The following KSR1 variants were observed in gnomAD, a reference collection of about 807,000 sequenced individuals.
KSR1 encodes kinase suppressor of ras 1, also known as kinase suppressor of ras.
A neutral mutation model predicts 92.9 loss-of-function variants in KSR1; 35 were observed. That is an observed-to-expected ratio of 0.38 (90% CI 0.29 to 0.50). The LOEUF is 0.50. Among genes scored for constraint, KSR1 ranks in the 20% least tolerant of loss-of-function variants. KSR1 has a pLI of 0.94. For missense variants in KSR1, 972 were observed against 1,158.5 expected, an observed-to-expected ratio of 0.84 and a Z score of 2.34; for synonymous variants, 467 against 472.6, an observed-to-expected ratio of 0.99 and a Z score of 0.15.
At chr17:27,537,463 G>A (rs1023448876) in intron 1 of KSR1, among the ~76,000 whole-genome samples, 10 of 152,148 alleles carry the variant, frequency 6.6e-5, no homozygotes, top group Non-Finnish European at 1.0e-4. Flanking sequence ...AGGCCGAGGC[G>A]GCAGATCGCC....
intron 1 of KSR1, among the ~76,000 whole-genome samples, chr17:27,525,520 C>T (rs530944677): frequency 6.6e-6 from 1 of 152,298 alleles, no homozygotes; most frequent in Non-Finnish European, 1.5e-5. Context: ...GGATTAAATG[C>T]TGATTATATG....
chr17:27,531,563 A>C (rs1597963443), intron 1 of KSR1, among the ~76,000 whole-genome samples: 1 of 152,018 alleles, frequency 6.6e-6, no homozygotes. Context: ...TGCTTGGGGG[A>C]GAACCCCTCC....
At chr17:27,550,492 T>C (rs2071357337) in intron 1 of KSR1, 76 bp from the exon 2 acceptor site, 1 of 746,196 alleles carries the variant, frequency 1.3e-6, no homozygotes, top group Non-Finnish European at 2.5e-6. Context: ...CCTGAGCTCC[T>C]CTGTAGTGTG....
chr17:27,509,299 T>G (rs928070284), intron 1 of KSR1, among the ~76,000 whole-genome samples: 4 of 151,952 alleles, frequency 2.6e-5, no homozygotes, highest in Admixed American at 2.6e-4. Flanking sequence ...TCTTTTTTTT[T>G]TGTTTTTTTG....
intron 18 of KSR1, chr17:27,612,924 G>A (rs893282793): frequency 2.0e-5 from 3 of 152,312 alleles, no homozygotes; most frequent in Admixed American, 1.3e-4. Context: ...TTAATAGATG[G>A]TAATATTTTT....
chr17:27,583,322 G>A (rs78844067), intron 4 of KSR1, among the ~76,000 whole-genome samples: 6,833 of 152,348 alleles, frequency 0.045, 248 homozygotes, highest in Middle Eastern at 0.11. Flanking sequence ...TGCACATGAC[G>A]TGATGCCACG....
chr17:27,492,120 G>A (rs2068849680), intron 1 of KSR1, among the ~76,000 whole-genome samples: 3 of 152,186 alleles, frequency 2.0e-5, no homozygotes, highest in Admixed American at 2.0e-4. Flanking sequence ...CACGTTGGGA[G>A]GTGGGAGGAG....
intron 6 of KSR1, among the ~76,000 whole-genome samples, chr17:27,589,117 C>T (rs577718272): frequency 1.3e-5 from 2 of 152,338 alleles, no homozygotes; most frequent in South Asian, 2.1e-4. Context: ...CGTCCCCTGC[C>T]ACCGGAAGCT....
At chr17:27,613,752 T>C (rs1481652536) in intron 18 of KSR1, among the ~76,000 whole-genome samples, 1 of 152,228 alleles carries the variant, frequency 6.6e-6, no homozygotes, top group Non-Finnish European at 1.5e-5. Flanking sequence ...GCAGCCTCCT[T>C]GGCTGAGCTC....
chr17:27,534,051 C>T (rs538838811), intron 1 of KSR1, among the ~76,000 whole-genome samples: 3 of 152,352 alleles, frequency 2.0e-5, no homozygotes, highest in South Asian at 2.1e-4. Flanking sequence ...GGCCTCTCCT[C>T]GGCTTGCTTC....
At chr17:27,462,707 A>T (rs1423044183) in intron 1 of KSR1, among the ~76,000 whole-genome samples, 1 of 152,286 alleles carries the variant, frequency 6.6e-6, no homozygotes, top group East Asian at 1.9e-4. Context: ...TACAAAATAC[A>T]TAATGATATA....
chr17:27,521,266 C>T (rs2070018046), intron 1 of KSR1, among the ~76,000 whole-genome samples: 2 of 151,758 alleles, frequency 1.3e-5, no homozygotes, highest in South Asian at 4.2e-4. Flanking sequence ...GCTGAAAGGA[C>T]TGCTCAGGAG....
chr17:27,490,462 C>T (rs2068787968), intron 1 of KSR1, among the ~76,000 whole-genome samples: 2 of 152,128 alleles, frequency 1.3e-5, no homozygotes, highest in African/African-American at 4.8e-5. Context: ...CCAGAGCAAT[C>T]CCCCTTTTTT....
intron 1 of KSR1, among the ~76,000 whole-genome samples, chr17:27,501,626 G>A (rs2069193650): frequency 1.3e-5 from 2 of 152,148 alleles, no homozygotes; most frequent in Non-Finnish European, 2.9e-5. Context: ...TGACTAAACA[G>A]TAGCTGGGAT....
intron 1 of KSR1, among the ~76,000 whole-genome samples, chr17:27,513,706 G>A (rs1161056535): frequency 2.6e-5 from 4 of 152,198 alleles, no homozygotes; most frequent in Admixed American, 2.6e-4. Flanking sequence ...TCCAGGTGTT[G>A]TGAGGAATTA....
chr17:27,491,326 T>C (rs1412631986), intron 1 of KSR1, among the ~76,000 whole-genome samples: 8 of 136,492 alleles, frequency 5.9e-5, no homozygotes, highest in African/African-American at 2.0e-4. Context: ...TGTGTGTGTG[T>C]GTGTGTGTGT....
chr17:27,607,840 C>A, intron 14 of KSR1, 74 bp from the exon 15 acceptor site: 1 of 1,086,470 alleles, frequency 9.2e-7, no homozygotes, highest in Non-Finnish European at 1.4e-6. Flanking sequence ...CAGTTCTCCC[C>A]ATGGGCTCCA....
rs774195366 is a variant in KSR1 at position 27,617,288 on chromosome 17, T to C, written c.2494-7T>C. On this transcript the variant is annotated splice_region_variant and splice_polypyrimidine_tract_variant and intron_variant, in intron 18 of 20. Transcript: ENST00000644974. ...TCACACACCACTAATGGCAGCTCCA[T>C]TTGCAGGAGATCCTGTCGGCCTGCT... The C allele has an allele frequency of 6.9e-6, 11 of 1,603,356 alleles. No homozygotes were observed. The Admixed American group carries it at 1.7e-4, about 24-fold the overall frequency.
chr17:27,592,110 G>A (rs2073185996), intron 7 of KSR1, among the ~76,000 whole-genome samples: 1 of 152,184 alleles, frequency 6.6e-6, no homozygotes, highest in Admixed American at 6.5e-5. Context: ...GTCGAAGTGG[G>A]CATCATGAGA....
Sources: allele counts gnomAD v4.1 joint callset (sites outside exome capture counted in the v4.1 genomes callset), GRCh38; gene constraint gnomAD v4.1.1; transcripts MANE v1.5; gene names NCBI Gene and HGNC (gene_info 2026-07-23, HGNC 2026-07-21).